The following ADAMTS9 variants were observed in gnomAD, a reference collection of about 807,000 sequenced individuals.
ADAMTS9 encodes the protein ADAM metallopeptidase with thrombospondin type 1 motif 9.
In ADAMTS9, 107 loss-of-function variants were observed where a neutral mutation model predicts 257.1. The observed-to-expected ratio is 0.42, with a 90% CI of 0.36 to 0.49. The LOEUF is 0.49. Ranked by LOEUF, ADAMTS9 falls within the 20% of genes least tolerant of loss-of-function variation. The pLI is 0.03. For missense variants in ADAMTS9, 2,353 were observed against 2,469.1 expected, an observed-to-expected ratio of 0.95 and a Z score of 1.00; for synonymous variants, 982 against 880.9, an observed-to-expected ratio of 1.11 and a Z score of -2.03.
chr3:64,652,810 C>T (rs1397869281), intron 8 of ADAMTS9, among the ~76,000 whole-genome samples: 1 of 152,028 alleles, frequency 6.6e-6, no homozygotes, highest in Non-Finnish European at 1.5e-5. Flanking sequence ...GTTGAACATC[C>T]CTAATCTCAA....
chr3:64,608,258 C>CAAAAAAAAAAAA (rs57247914), intron 22 of ADAMTS9, among the ~76,000 whole-genome samples: 25 of 53,262 alleles, frequency 4.7e-4, no homozygotes, highest in Non-Finnish European at 6.3e-4. Flanking sequence ...AAACTAAAAC[C>CAAAAAAAAAAAA]AAAAAAAAAA....
At chr3:64,654,271 G>C (rs762784344) in intron 8 of ADAMTS9, 82 bp downstream of exon 8, 292 of 1,374,224 alleles carry the variant, frequency 2.1e-4, no homozygotes, top group Non-Finnish European at 2.0e-4. Flanking sequence ...ACACTCGAAA[G>C]TCAAGTAAAT....
chr3:64,530,400 C>T (rs575368347), intron 38 of ADAMTS9, among the ~76,000 whole-genome samples: 11 of 152,106 alleles, frequency 7.2e-5, no homozygotes, highest in South Asian at 6.2e-4. Context: ...GACAGCATTT[C>T]TCCAGACAGC....
intron 19 of ADAMTS9, 98 bp from the exon 20 acceptor site, chr3:64,616,268 C>A: frequency 1.5e-6 from 2 of 1,304,194 alleles, no homozygotes; most frequent in African/African-American, 1.5e-5. Flanking sequence ...GTTCTTTTTT[C>A]TTTCTTAACT....
intron 3 of ADAMTS9, among the ~76,000 whole-genome samples, chr3:64,662,956 G>A (rs539666100): frequency 1.1e-4 from 16 of 152,226 alleles, no homozygotes; most frequent in Non-Finnish European, 1.3e-4. Flanking sequence ...TTCAGCCGAT[G>A]TGTATGAGGT....
At chr3:64,634,540 C>T (rs572109256) in intron 12 of ADAMTS9, among the ~76,000 whole-genome samples, 11 of 152,326 alleles carry the variant, frequency 7.2e-5, no homozygotes, top group South Asian at 4.1e-4. Context: ...GTATGGCATA[C>T]GCCTTGCAAA....
chr3:64,619,458 C>T (rs768959359), intron 19 of ADAMTS9, among the ~76,000 whole-genome samples: 3 of 152,076 alleles, frequency 2.0e-5, no homozygotes, highest in Non-Finnish European at 2.9e-5. Flanking sequence ...TTTAGATTTC[C>T]GTCACTCCAC....
At chr3:64,601,859 A>T (rs973316238) in intron 26 of ADAMTS9, 85 bp downstream of exon 26, 17 of 1,465,082 alleles carry the variant, frequency 1.2e-5, no homozygotes, top group Non-Finnish European at 1.5e-5. Flanking sequence ...AGAAAAAAAT[A>T]TGCTCTAAAG....
chr3:64,623,313 A>G (rs1301199564), intron 16 of ADAMTS9, among the ~76,000 whole-genome samples: 2 of 152,192 alleles, frequency 1.3e-5, no homozygotes, highest in Non-Finnish European at 2.9e-5. Context: ...TGGTTCTGGA[A>G]GAAGCCAGCT....
rs1559787273 is a variant in ADAMTS9 at position 64,603,958 on chromosome 3, T to A, written c.3711A>T (p.Thr1237=). 6.2e-7 allele frequency: 1 copy of A among 1,613,574 alleles called. No individual in the cohort carries two copies. Among genetic ancestry groups the A allele is most frequent in the Non-Finnish European group, 8.5e-7 (1 of 1,179,910 alleles). Residue 1237 remains threonine, a synonymous_variant, in exon 25 of 40, where the codon ACA becomes ACT. Coordinates refer to ENST00000498707, the MANE Select transcript of ADAMTS9 (RefSeq NM_182920.2). ...CCAAGGCCTTCCATTGCCCACAGGG[T>A]GTCACAGAACATTCTTCCTTTGCCA... The part of the protein sequence containing the change: ...RPVAKEECSV[T]PCGQWKALDW...
chr3:64,545,308 C>T (rs930331535), intron 32 of ADAMTS9, among the ~76,000 whole-genome samples: 4 of 152,152 alleles, frequency 2.6e-5, no homozygotes, highest in Non-Finnish European at 5.9e-5. Context: ...CACATGCACA[C>T]GTATGTTTAT....
chr3:64,523,972 TA>T (rs1227734850), intron 38 of ADAMTS9, among the ~76,000 whole-genome samples: 1 of 152,196 alleles, frequency 6.6e-6, no homozygotes, highest in Non-Finnish European at 1.5e-5. Context: ...GGATTGTACC[TA>T]AAATTACAAG....
chr3:64,564,324 G>A (rs2083485596), intron 29 of ADAMTS9, among the ~76,000 whole-genome samples: 2 of 152,140 alleles, frequency 1.3e-5, no homozygotes, highest in Non-Finnish European at 2.9e-5. Context: ...TTTCCATAGA[G>A]AGAAAGAATC....
chr3:64,555,672 T>C (rs1035868104), intron 30 of ADAMTS9, among the ~76,000 whole-genome samples: 2 of 152,104 alleles, frequency 1.3e-5, no homozygotes, highest in East Asian at 1.9e-4. Flanking sequence ...GCAATTCCCA[T>C]GATGCTGCAA....
chr3:64,598,569 C>T (rs138397710), intron 26 of ADAMTS9, among the ~76,000 whole-genome samples: 6 of 152,134 alleles, frequency 3.9e-5, no homozygotes, highest in African/African-American at 1.4e-4. Context: ...ATCCTCCTGT[C>T]TTAGCCTCCC....
intron 3 of ADAMTS9, among the ~76,000 whole-genome samples, chr3:64,662,324 T>C (rs552259615): frequency 6.6e-6 from 1 of 152,280 alleles, no homozygotes; most frequent in South Asian, 2.1e-4. Context: ...TTTATGTTCT[T>C]GCATCTGGTG....
chr3:64,656,044 T>C, intron 4 of ADAMTS9, 169 bp from the exon 5 acceptor site: 1 of 520,878 alleles, frequency 1.9e-6, no homozygotes, highest in Non-Finnish European at 3.5e-6. Context: ...AGTCTCTTCA[T>C]AAAATTCATA....
rs1318352308 is a variant in ADAMTS9 at position 64,686,468 on chromosome 3, C to G, written c.516+100G>C. On this transcript the variant is annotated intron_variant, in intron 2 of 39. Coordinates refer to ENST00000498707, the MANE Select transcript of ADAMTS9 (RefSeq NM_182920.2). This position sits in a 1 kb window ranked among gnomAD's most constrained non-coding sequence, Gnocchi z 4.6. Reference sequence around the variant, plus strand: ...TATTTAACGCCGGAGAGGAGCGGAGCCTCGCCACAGTGAGGGTCTCTAGGC... The same window carrying G: ...TATTTAACGCCGGAGAGGAGCGGAGGCTCGCCACAGTGAGGGTCTCTAGGC... 3 of 1,415,572 alleles carry G rather than the reference C, an allele frequency of 2.1e-6. No individual in the cohort carries two copies. The highest frequency in any genetic ancestry group is 2.8e-6 in the Non-Finnish European group (3 of 1,065,866). 87.7% of individuals were successfully genotyped at this position (1,415,572 alleles called of 1,614,324 possible).
At chr3:64,662,094 C>A (rs181486410) in intron 3 of ADAMTS9, among the ~76,000 whole-genome samples, 1 of 152,004 alleles carries the variant, frequency 6.6e-6, no homozygotes, top group African/African-American at 2.4e-5. Flanking sequence ...GCTTTGGCAC[C>A]ATCCCATGTT....
Sources: allele counts gnomAD v4.1 joint callset (sites outside exome capture counted in the v4.1 genomes callset), GRCh38; gene constraint gnomAD v4.1.1; non-coding constraint Gnocchi (gnomAD v3.1); transcripts MANE v1.5; gene names NCBI Gene and HGNC (gene_info 2026-07-23, HGNC 2026-07-21).